The following FAM107B variants were observed in gnomAD, a reference collection of about 807,000 sequenced individuals.
FAM107B encodes family with sequence similarity 107 member B.
FAM107B carries 21 observed loss-of-function variants against 31.5 expected under a neutral mutation model. The observed-to-expected ratio is 0.67, with a 90% CI of 0.47 to 0.96. FAM107B has a LOEUF of 0.96. Among genes scored for constraint, FAM107B ranks in the 40% least tolerant of loss-of-function variants. The pLI is 0.00. For synonymous variants in FAM107B, 157 were observed against 141.5 expected, an observed-to-expected ratio of 1.11 and a Z score of -0.78; for missense variants, 452 against 377.1, an observed-to-expected ratio of 1.20 and a Z score of -1.64.
chr10:14,671,025 GACTC>G (rs1301292538), intron 1 of FAM107B, among the ~76,000 whole-genome samples: 4 of 152,128 alleles, frequency 2.6e-5, no homozygotes, highest in Non-Finnish European at 4.4e-5. Context: ...AGTACTCACT[GACTC>G]ACTATCTAGT....
rs747594048 is a variant in FAM107B, at chr10:14,554,163, TTTTC to T, written c.470-23652_470-23649del. Reference sequence around the variant, plus strand: ...CTGTTCAGAGAGTTAGAAATGGGCTTTTTCTTTATCTCCTTTTCCTCTACCCTCC... The same window carrying T: ...CTGTTCAGAGAGTTAGAAATGGGCTTTTTATCTCCTTTTCCTCTACCCTCC... On this transcript the variant is annotated intron_variant, in intron 2 of 4. Coordinates refer to ENST00000181796, the MANE Select transcript of FAM107B (RefSeq NM_031453.4). 8.9e-4 allele frequency: 873 copies of T among 985,332 alleles called. 1 individual carries two copies. The highest frequency in any genetic ancestry group is 1.0e-3 in the Non-Finnish European group (840 of 829,880). 61.0% of individuals were successfully genotyped at this position (985,332 alleles called of 1,614,324 possible). A position where few individuals can be genotyped will look rare whatever the true frequency, so the allele number is the denominator to read the frequency against.
Position 14,667,679 on chromosome 10 carries a change from G to A in FAM107B, c.424C>T (p.Arg142Ter), listed in dbSNP as rs111681891. The A allele has an allele frequency of 6.8e-6, 11 of 1,614,084 alleles. No homozygotes were observed. The highest frequency in any genetic ancestry group is 4.5e-5 in the East Asian group (2 of 44,882). Residue 142 changes from arginine (R) to a stop codon, truncating the protein, a stop_gained, in exon 2 of 5, where the codon CGA (arginine) becomes TGA (stop). Transcript: ENST00000181796. LOFTEE classifies it high-confidence loss of function. ...IIDTPKEEEF[R>*]EEPKCLELEQ... ...AGCTCGAGGCATTTAGGTTCTTCTC[G>A]AAATTCTTCTTCCTAAGCGCCAGCC...
chr10:14,672,570 T>A (rs11259257), intron 1 of FAM107B, among the ~76,000 whole-genome samples: 28,925 of 152,178 alleles, frequency 0.19, 2,752 homozygotes, highest in Middle Eastern at 0.26. Context: ...AAAAGATAGT[T>A]TATAACCTGA....
rs1588637181 is a variant in FAM107B at position 14,587,958 on chromosome 10, C to A, written c.470-57443G>T. Among the ~76,000 whole-genome samples the A allele has an allele frequency of 2.0e-5, 3 of 152,110 alleles. No homozygotes were observed. The East Asian group carries it at 5.8e-4, about 29-fold the overall frequency. On this transcript the variant is annotated intron_variant, in intron 2 of 4. Coordinates refer to ENST00000181796, the MANE Select transcript of FAM107B (RefSeq NM_031453.4). ...TGAAAACTCCAGCATGGGACAATTA[C>A]CAGTGTGACACCCTTGAGAGAAATG...
At chr10:14,656,888 G>C (rs2131456822) in intron 2 of FAM107B, among the ~76,000 whole-genome samples, 1 of 152,296 alleles carries the variant, frequency 6.6e-6, no homozygotes, top group South Asian at 2.1e-4. Context: ...CAAACTTCTG[G>C]AAAGTTCCAT....
chr10:14,734,665 A>G (rs1856257125), intron 1 of FAM107B, among the ~76,000 whole-genome samples: 1 of 152,046 alleles, frequency 6.6e-6, no homozygotes, highest in African/African-American at 2.4e-5. Flanking sequence ...CTTAGGGCAC[A>G]CCTCCATTGC....
intron 1 of FAM107B, among the ~76,000 whole-genome samples, chr10:14,766,009 G>A (rs2131595427): frequency 6.6e-6 from 1 of 152,298 alleles, no homozygotes; most frequent in East Asian, 1.9e-4. Context: ...CTTCCAAGCA[G>A]CACTGACATC....
rs545100649 is a variant in FAM107B, at chr10:14,621,660, C to A, written c.469+45974G>T. Among the ~76,000 whole-genome samples the A allele has an allele frequency of 2.0e-5, 3 of 152,302 alleles. No individual in the cohort carries two copies. In the South Asian group the frequency reaches 6.2e-4, roughly 32 times the overall value. ...GGCCCTGAGAACTCCCCTAGGTTCC[C>A]AGACTAGAAGCATCTGTTGATTTGA... On this transcript the variant is annotated intron_variant, in intron 2 of 4. Transcript: ENST00000181796.
chr10:14,751,494 T>C (rs781677445), intron 1 of FAM107B, among the ~76,000 whole-genome samples: 7 of 149,504 alleles, frequency 4.7e-5, no homozygotes, highest in Non-Finnish European at 7.4e-5. Flanking sequence ...AGTGAACTTA[T>C]ATGGGATTTT....
chr10:14,753,888 AT>A (rs1295916273), intron 1 of FAM107B, among the ~76,000 whole-genome samples: 1 of 151,930 alleles, frequency 6.6e-6, no homozygotes, highest in Admixed American at 6.6e-5. Context: ...TAAAAAAAAA[AT>A]CTTGAATCCA....
At chr10:14,737,766 T>C (rs866086126) in intron 1 of FAM107B, among the ~76,000 whole-genome samples, 7 of 127,044 alleles carry the variant, frequency 5.5e-5, no homozygotes, top group African/African-American at 2.3e-4. Context: ...CGTGCACGCT[T>C]TCTCTCTCTC....
At position 14,521,988 on chromosome 10, in the gene FAM107B, G is replaced by T. The variant is rs1024409028; in HGVS notation, c.685C>A (p.Gln229Lys). The change falls in exon 4 of 5, where the codon CAG becomes AAG. Residue 229 changes from glutamine (Q) to lysine (K), a missense_variant. Coordinates refer to ENST00000181796, the MANE Select transcript of FAM107B (RefSeq NM_031453.4). ...CGTTTTCTTTTTTCCATCACCTTCT[G>T]CAATTCTGGTTTGTTCTGAGGAGCA... ...GLAPQNKPEL[Q>K]KVMEKRKRDQ... is the part of the protein sequence containing the mutation. 1.9e-6 allele frequency: 3 copies of T among 1,613,782 alleles called. No individual in the cohort carries two copies. The highest frequency in any genetic ancestry group is 2.5e-6 in the Non-Finnish European group (3 of 1,180,002).
At chr10:14,639,090 G>T (rs1372151357) in intron 2 of FAM107B, among the ~76,000 whole-genome samples, 4 of 152,020 alleles carry the variant, frequency 2.6e-5, no homozygotes, top group Non-Finnish European at 4.4e-5. Flanking sequence ...GCTATTTGGG[G>T]GGTTGAGGGG....
chr10:14,544,579 A>G (rs1040331980), intron 2 of FAM107B, among the ~76,000 whole-genome samples: 13 of 152,296 alleles, frequency 8.5e-5, no homozygotes, highest in Non-Finnish European at 1.0e-4. Context: ...AATTTCTGCT[A>G]CTCTCTGAAG....
intron 2 of FAM107B, among the ~76,000 whole-genome samples, chr10:14,647,592 G>C (rs1356497597): frequency 6.6e-6 from 1 of 151,476 alleles, no homozygotes; most frequent in African/African-American, 2.4e-5. Context: ...GCTGAGGCAG[G>C]AGGAATCACT....
intron 2 of FAM107B, among the ~76,000 whole-genome samples, chr10:14,590,957 C>G (rs536261014): frequency 4.2e-5 from 6 of 142,136 alleles, no homozygotes; most frequent in South Asian, 2.2e-4. Flanking sequence ...CCACTGCACT[C>G]CAGCCTGGGC....
intron 2 of FAM107B, among the ~76,000 whole-genome samples, chr10:14,569,400 T>C (rs532280040): frequency 2.6e-5 from 4 of 151,528 alleles, no homozygotes; most frequent in Admixed American, 2.6e-4. Context: ...ATTGTGCACA[T>C]ATGTGTGTGT....
At chr10:14,762,113 T>G (rs555657295) in intron 1 of FAM107B, among the ~76,000 whole-genome samples, 4 of 152,158 alleles carry the variant, frequency 2.6e-5, no homozygotes, top group South Asian at 2.1e-4. Flanking sequence ...AAGACCCAGG[T>G]TCTTTCTTGT....
At chr10:14,741,841 C>T (rs1184425072) in intron 1 of FAM107B, among the ~76,000 whole-genome samples, 3 of 151,060 alleles carry the variant, frequency 2.0e-5, no homozygotes, top group African/African-American at 7.3e-5. Flanking sequence ...CTGCCTCAGC[C>T]TCCACAGGCA....
Sources: gnomAD v4.1 joint callset for allele counts (sites outside exome capture counted in the v4.1 genomes callset) on GRCh38, gnomAD v4.1.1 for gene constraint, MANE v1.5 for transcripts, NCBI Gene and HGNC (gene_info 2026-07-23, HGNC 2026-07-21) for gene names.